Variants in NSMCE2 observed in about 807,000 individuals in gnomAD.
NSMCE2 encodes the protein NSE2 SUMO ligase component of SMC5/6 complex.
Under a neutral mutation model 23.8 loss-of-function variants are expected in NSMCE2, and 24 were observed. That is an observed-to-expected ratio of 1.01 (90% confidence interval 0.73 to 1.42). The LOEUF (loss-of-function observed/expected upper bound fraction) is 1.42, where lower values mean the gene tolerates loss of function less well. NSMCE2 is among the 40% of genes most tolerant of loss of function. The pLI, the probability that NSMCE2 is intolerant of heterozygous loss-of-function variation, is 0.00. For missense variants in NSMCE2, 284 were observed against 296.5 expected (o/e 0.96, Z 0.31); for synonymous variants, 92 against 94.1 (o/e 0.98, Z 0.13).
chr8:125,289,364 G>C (rs946608251), intron 5 of NSMCE2, among the ~76,000 whole-genome samples: 2 of 152,244 alleles, frequency 1.3e-5, no homozygotes, highest in East Asian at 3.9e-4. Context: ...ATTGCTAAGT[G>C]CCCCTCTCTC....
intron 3 of NSMCE2, among the ~76,000 whole-genome samples, chr8:125,112,783 C>G (rs1017235823): frequency 2.0e-5 from 3 of 151,920 alleles, no homozygotes; most frequent in Non-Finnish European, 2.9e-5. Flanking sequence ...TCAAAGGATA[C>G]AAAATTACCA....
intron 4 of NSMCE2, among the ~76,000 whole-genome samples, chr8:125,177,537 G>C (rs372704621): frequency 6.6e-6 from 1 of 151,938 alleles, no homozygotes; most frequent in Non-Finnish European, 1.5e-5. Flanking sequence ...TAATTTACTC[G>C]TTCACCCACA....
At chr8:125,267,301 C>T (rs1826963790) in intron 5 of NSMCE2, among the ~76,000 whole-genome samples, 1 of 152,066 alleles carries the variant, frequency 6.6e-6, no homozygotes, top group African/African-American at 2.4e-5. Flanking sequence ...GCCACCGCGC[C>T]CAGCCAAGGG....
At chr8:125,298,212 A>G (rs750643356) in intron 5 of NSMCE2, among the ~76,000 whole-genome samples, 11 of 152,234 alleles carry the variant, frequency 7.2e-5, no homozygotes, top group Non-Finnish European at 1.5e-4. Context: ...GTGAGCTGAG[A>G]TTGTGCCACT....
At chr8:125,278,466 C>A (rs924277652) in intron 5 of NSMCE2, among the ~76,000 whole-genome samples, 2 of 152,190 alleles carry the variant, frequency 1.3e-5, no homozygotes, top group Admixed American at 6.5e-5. Flanking sequence ...CAGGTGCTGC[C>A]AGCAGAGCAG....
At chr8:125,335,275 C>A (rs1213846044) in intron 5 of NSMCE2, among the ~76,000 whole-genome samples, 1 of 152,118 alleles carries the variant, frequency 6.6e-6, no homozygotes, top group East Asian at 1.9e-4. Flanking sequence ...TTTTAAACAG[C>A]GATTATGTGC....
At chr8:125,199,168 T>G (rs1823757723) in intron 5 of NSMCE2, among the ~76,000 whole-genome samples, 1 of 152,200 alleles carries the variant, frequency 6.6e-6, no homozygotes, top group Non-Finnish European at 1.5e-5. Context: ...AGGGTTTTTT[T>G]GTGTATCTCC....
intron 3 of NSMCE2, among the ~76,000 whole-genome samples, chr8:125,115,567 A>C (rs1001282444): frequency 6.6e-6 from 1 of 152,208 alleles, no homozygotes; most frequent in Non-Finnish European, 1.5e-5. Context: ...CCTAGCCAAC[A>C]CAGTGAAACC....
intron 3 of NSMCE2, among the ~76,000 whole-genome samples, chr8:125,140,958 AAGACACCTGGC>A (rs1820342888): frequency 6.6e-6 from 1 of 152,174 alleles, no homozygotes; most frequent in Admixed American, 6.5e-5. Context: ...AGTCAAATGA[AAGACACCTGGC>A]CGTGAAGATT....
At chr8:125,319,545 G>C (rs114470647) in intron 5 of NSMCE2, among the ~76,000 whole-genome samples, 1 of 151,986 alleles carries the variant, frequency 6.6e-6, no homozygotes, top group African/African-American at 2.4e-5. Context: ...GGGCAGTGGG[G>C]GTGTATGTCT....
intron 5 of NSMCE2, among the ~76,000 whole-genome samples, chr8:125,215,012 C>CT: frequency 7.6e-6 from 1 of 132,028 alleles, no homozygotes; most frequent in South Asian, 2.5e-4. Context: ...TTGGTAACCA[C>CT]TTTATTTTAT....
chr8:125,347,486 C>T (rs1812825032), intron 5 of NSMCE2, among the ~76,000 whole-genome samples: 1 of 152,168 alleles, frequency 6.6e-6, no homozygotes, highest in South Asian at 2.1e-4. Context: ...ATCTGTCTCT[C>T]CTACCAGACC....
chr8:125,262,320 G>T (rs1239755626), intron 5 of NSMCE2, among the ~76,000 whole-genome samples: 1 of 151,894 alleles, frequency 6.6e-6, no homozygotes, highest in Non-Finnish European at 1.5e-5. Context: ...AGCTACTTGG[G>T]AGACTGAGGC....
intron 3 of NSMCE2, among the ~76,000 whole-genome samples, chr8:125,111,188 A>G (rs1818729767): frequency 1.3e-5 from 2 of 152,200 alleles, no homozygotes; most frequent in African/African-American, 4.8e-5. Context: ...TGTGGCAGTT[A>G]CTTCAGAGTT....
chr8:125,175,623 C>T (rs1822448079), intron 4 of NSMCE2, among the ~76,000 whole-genome samples: 1 of 152,154 alleles, frequency 6.6e-6, no homozygotes, highest in South Asian at 2.1e-4. Context: ...TAGATTCTCA[C>T]ATGATTCAAA....
Position 125,127,822 on chromosome 8 carries a change from G to A in NSMCE2, c.158-23349G>A, listed in dbSNP as rs551270414. ...CATATACATAATGAGATACCTTGGG[G>A]ATGGGATCCAAGTCTAAACATGAAA... On this transcript the variant is annotated intron_variant, in intron 3 of 7. Transcript: ENST00000287437. 7.9e-5 allele frequency among the ~76,000 whole-genome samples: 12 copies of A among 152,278 alleles called. No homozygotes were observed. In the East Asian group the frequency reaches 1.5e-3, roughly 20 times the overall value.
chr8:125,195,474 T>C (rs1234825061), intron 5 of NSMCE2, among the ~76,000 whole-genome samples: 4 of 152,182 alleles, frequency 2.6e-5, no homozygotes, highest in African/African-American at 9.7e-5. Context: ...CACATACATA[T>C]AAGTCACTTA....
intron 3 of NSMCE2, among the ~76,000 whole-genome samples, chr8:125,120,612 A>T (rs1245814576): frequency 2.0e-5 from 3 of 152,202 alleles, no homozygotes; most frequent in Non-Finnish European, 4.4e-5. Flanking sequence ...TGTTAACTTC[A>T]GCAGCCAGAA....
chr8:125,111,114 C>A (rs1322440280), intron 3 of NSMCE2, among the ~76,000 whole-genome samples: 1 of 152,142 alleles, frequency 6.6e-6, no homozygotes, highest in Non-Finnish European at 1.5e-5. Context: ...AGAATCATCA[C>A]CTTTTTAGAT....
Sources: gnomAD v4.1 joint callset for allele counts (sites outside exome capture counted in the v4.1 genomes callset) on GRCh38, gnomAD v4.1.1 for gene constraint, MANE v1.5 for transcripts, NCBI Gene and HGNC (gene_info 2026-07-23, HGNC 2026-07-21) for gene names.